The following ITPR1 variants were observed in gnomAD, a reference collection of about 807,000 sequenced individuals.
The protein encoded by ITPR1 is inositol 1,4,5-trisphosphate receptor type 1, also known as inositol 1,4,5-trisphosphate-gated calcium channel ITPR1.
ITPR1 carries 96 observed loss-of-function variants against 318.4 expected under a neutral mutation model. That is an observed-to-expected ratio of 0.30 (90% CI 0.26 to 0.36). ITPR1 has a LOEUF of 0.36. Ranked by LOEUF, ITPR1 falls within the 10% of genes least tolerant of loss-of-function variation. The pLI is 1.00. For missense variants in ITPR1, 2,440 were observed against 3,460.2 expected, an observed-to-expected ratio of 0.71 and a Z score of 7.40; for synonymous variants, 1,312 against 1,289.9, an observed-to-expected ratio of 1.02 and a Z score of -0.37.
Position 4,697,133 on chromosome 3 carries a change from T to C in ITPR1, c.4282-14T>C, listed in dbSNP as rs778861597. 9 of 1,609,544 alleles carry C rather than the reference T, an allele frequency of 5.6e-6. No individual in the cohort carries two copies. The East Asian group carries it at 2.0e-4, about 36-fold the overall frequency. ...CAAGATGGTTTTTCAGAAAAGCTTC[T>C]TTCTATCTTGCAGGTTAAAATTGCA... is the stretch of plus-strand genomic sequence containing the variant. On this transcript the variant is annotated splice_polypyrimidine_tract_variant and intron_variant, in intron 33 of 61. Coordinates refer to ENST00000649015, the MANE Select transcript of ITPR1 (RefSeq NM_001378452.1).
intron 11 of ITPR1, among the ~76,000 whole-genome samples, chr3:4,653,139 A>G (rs1196624992): frequency 6.6e-6 from 1 of 152,162 alleles, no homozygotes; most frequent in African/African-American, 2.4e-5. Context: ...GAGATGTATG[A>G]TGCATATTTC....
At chr3:4,812,850 T>C (rs1217054618) in intron 56 of ITPR1, among the ~76,000 whole-genome samples, 3 of 152,226 alleles carry the variant, frequency 2.0e-5, no homozygotes, top group Admixed American at 2.0e-4. Context: ...CCAGAGTCTG[T>C]ACGTTCAGTA....
chr3:4,590,145 TC>T (rs1354259732), intron 4 of ITPR1, among the ~76,000 whole-genome samples: 1 of 148,934 alleles, frequency 6.7e-6, no homozygotes, highest in Non-Finnish European at 1.5e-5. Context: ...TCTAGCTGCT[TC>T]CCCCCTTTGT....
chr3:4,773,444 T>C (rs527763294), intron 46 of ITPR1, among the ~76,000 whole-genome samples: 16 of 152,336 alleles, frequency 1.1e-4, no homozygotes, highest in African/African-American at 3.8e-4. Context: ...AAGAGTTGCC[T>C]CTCTTTCATC....
intron 16 of ITPR1, among the ~76,000 whole-genome samples, chr3:4,663,553 C>T (rs1294154843): frequency 1.3e-5 from 2 of 152,128 alleles, no homozygotes; most frequent in African/African-American, 4.8e-5. Flanking sequence ...AGAGAGTTCC[C>T]ATATCTCCTC....
intron 4 of ITPR1, among the ~76,000 whole-genome samples, chr3:4,592,887 C>G (rs1270226320): frequency 6.6e-6 from 1 of 152,088 alleles, no homozygotes; most frequent in African/African-American, 2.4e-5. Context: ...TACAGGGACT[C>G]TGAGTGGTGG....
At chr3:4,615,450 C>A (rs969757547) in intron 4 of ITPR1, among the ~76,000 whole-genome samples, 1 of 149,136 alleles carries the variant, frequency 6.7e-6, no homozygotes, top group African/African-American at 2.5e-5. Context: ...GATCTCGTCT[C>A]ACTGCAACCC....
At chr3:4,633,694 G>A (rs189030193) in intron 5 of ITPR1, among the ~76,000 whole-genome samples, 2 of 152,254 alleles carry the variant, frequency 1.3e-5, no homozygotes, top group South Asian at 2.1e-4. Context: ...CTTCCCATCC[G>A]CAAATCACAT....
In ITPR1 at chr3:4,735,299, A is replaced by T; in HGVS notation, c.5489A>T (p.His1830Leu). The T allele has an allele frequency of 1.9e-6, 3 of 1,614,000 alleles. No homozygotes were observed. ...AACGCATCCAGTGACCGAGTGTTCCATGAAAGCATTCTCCTGGCCATTGCC... is the reference window on the plus strand; with the variant it reads ...AACGCATCCAGTGACCGAGTGTTCCTTGAAAGCATTCTCCTGGCCATTGCC... ...IMNASSDRVF[H>L]ESILLAIALL... The change falls in exon 44 of 62, where the codon CAT becomes CTT. Residue 1830 changes from histidine (H) to leucine (L), a missense_variant. Transcript: ENST00000649015.
rs1553643409 is a variant in ITPR1 at position 4,609,089 on chromosome 3, T to TACACACAC, written c.164-18671_164-18664dup. On this transcript the variant is annotated intron_variant, in intron 4 of 61. Coordinates refer to ENST00000649015, the MANE Select transcript of ITPR1 (RefSeq NM_001378452.1). The stretch of plus-strand genomic sequence containing the variant: ...ATATATATATATATATATATATATA[T>TACACACAC]ACACACACACGTATGTCAGTGGTGG... Among the ~76,000 whole-genome samples the TACACACAC allele has an allele frequency of 1.2e-3, 108 of 91,920 alleles. 2 individuals are homozygous for TACACACAC. Among genetic ancestry groups the TACACACAC allele is most frequent in the Middle Eastern group, 6.4e-3 (1 of 156 alleles). The allele number at this position is 91,920 out of a possible 152,430, so 60.3% of individuals were successfully genotyped here.
chr3:4,558,703 G>T (rs1349661273), intron 4 of ITPR1, among the ~76,000 whole-genome samples: 3 of 152,134 alleles, frequency 2.0e-5, no homozygotes, highest in Non-Finnish European at 4.4e-5. Flanking sequence ...CTCTGGAGAG[G>T]CATTTGGGAA....
At chr3:4,519,026 G>A (rs1438140763) in intron 3 of ITPR1, among the ~76,000 whole-genome samples, 11 of 152,162 alleles carry the variant, frequency 7.2e-5, no homozygotes. Flanking sequence ...CAATAAGTCT[G>A]ATGAACATCC....
In ITPR1 at chr3:4,697,420, G is replaced by T. The variant is rs938668067; in HGVS notation, c.4407+148G>T. 9.1e-6 allele frequency: 5 copies of T among 547,064 alleles called. No individual in the cohort carries two copies. In the East Asian group the frequency reaches 1.6e-4, roughly 17 times the overall value. The allele number at this position is 547,064 out of a possible 1,614,324, so 33.9% of individuals were successfully genotyped here. ...CTACTCTAATCCGTGGCATGAGGAG[G>T]CACTTGTGACTTTCTTCTCATGTAT... is the stretch of plus-strand genomic sequence containing the variant. On this transcript the variant is annotated intron_variant, in intron 34 of 61. Coordinates refer to ENST00000649015, the MANE Select transcript of ITPR1 (RefSeq NM_001378452.1).
chr3:4,825,608 C>A, intron 60 of ITPR1: 1 of 405,774 alleles, frequency 2.5e-6, no homozygotes, highest in South Asian at 1.8e-5. Context: ...GGCCCTTGTG[C>A]TTATCTGTAT....
chr3:4,753,063 T>C (rs2044666936), intron 44 of ITPR1, among the ~76,000 whole-genome samples: 1 of 152,100 alleles, frequency 6.6e-6, no homozygotes, highest in African/African-American at 2.4e-5. Flanking sequence ...ACCCAACAGA[T>C]GCGAAGAGAA....
intron 61 of ITPR1, among the ~76,000 whole-genome samples, chr3:4,844,123 ATTTT>A (rs34975561): frequency 2.6e-4 from 37 of 140,518 alleles, no homozygotes; most frequent in East Asian, 8.4e-4. Context: ...GCAGACCAAG[ATTTT>A]TTTTTTTTTT....
chr3:4,657,469 ATTTT>A (rs61012467), intron 12 of ITPR1, among the ~76,000 whole-genome samples: 1 of 127,256 alleles, frequency 7.9e-6, no homozygotes. Context: ...TTTTTGAAAG[ATTTT>A]TTTTTTTTTT....
At chr3:4,584,270 G>T (rs1009117433) in intron 4 of ITPR1, among the ~76,000 whole-genome samples, 2 of 151,838 alleles carry the variant, frequency 1.3e-5, no homozygotes, top group African/African-American at 4.8e-5. Flanking sequence ...CAAACCAACT[G>T]GAATCCAGAA....
chr3:4,673,407 A>C lies in ITPR1; in HGVS notation c.2456+20A>C. ...TGACGAGTGAGCCTGGCACCTGAAA[A>C]CCTCACTTTACATTATTCTGTGCGG... On this transcript the variant is annotated intron_variant, in intron 21 of 61. Coordinates refer to ENST00000649015, the MANE Select transcript of ITPR1 (RefSeq NM_001378452.1). 1 of 1,582,290 alleles carries C rather than the reference A, an allele frequency of 6.3e-7. No homozygotes were observed. The highest frequency in any genetic ancestry group is 1.2e-5 in the South Asian group (1 of 86,176).
Sources: allele counts gnomAD v4.1 joint callset (sites outside exome capture counted in the v4.1 genomes callset), GRCh38; gene constraint gnomAD v4.1.1; transcripts MANE v1.5; gene names NCBI Gene and HGNC (gene_info 2026-07-23, HGNC 2026-07-21).